Variants in ENTPD1 observed in about 807,000 individuals in gnomAD.
ENTPD1 encodes ATP diphosphohydrolase.
ENTPD1 carries 33 observed loss-of-function variants against 57.0 expected under a neutral mutation model. The observed-to-expected ratio is 0.58, with a 90% CI of 0.44 to 0.77. The LOEUF is 0.77. ENTPD1 is among the 30% of genes least tolerant of loss of function. The pLI is 0.00. For synonymous variants in ENTPD1, 202 were observed against 218.8 expected (o/e 0.92, Z 0.68); for missense variants, 501 against 603.4 (o/e 0.83, Z 1.78).
At chr10:95,748,029 G>A (rs1455640887) in intron 1 of ENTPD1, among the ~76,000 whole-genome samples, 1 of 151,914 alleles carries the variant, frequency 6.6e-6, no homozygotes, top group Non-Finnish European at 1.5e-5. Flanking sequence ...GCGCCACCAT[G>A]CCCGGCTAAT....
chr10:95,836,643 C>T (rs910241241), intron 2 of ENTPD1, among the ~76,000 whole-genome samples: 3 of 152,132 alleles, frequency 2.0e-5, no homozygotes, highest in African/African-American at 7.2e-5. Context: ...TGGGTTTCTC[C>T]ACTGCCAGAC....
chr10:95,799,802 A>T (rs958154774), intron 1 of ENTPD1, among the ~76,000 whole-genome samples: 6 of 152,004 alleles, frequency 3.9e-5, no homozygotes, highest in African/African-American at 1.4e-4. Flanking sequence ...AGCATCCGTT[A>T]TTTTTTTACT....
intron 8 of ENTPD1, chr10:95,861,681 G>C (rs2098465571): frequency 6.6e-6 from 1 of 152,140 alleles, no homozygotes; most frequent in African/African-American, 2.4e-5. Context: ...TGTGGAGGAA[G>C]ATAAGCATGT....
In ENTPD1 at chr10:95,873,460, C is replaced by T. The variant is rs942022719; in HGVS notation, c.*7077C>T. 26 of 985,394 alleles carry T rather than the reference C, an allele frequency of 2.6e-5. No individual in the cohort carries two copies. Among genetic ancestry groups the T allele is most frequent in the Non-Finnish European group, 2.9e-5 (24 of 830,014 alleles). 61.0% of individuals were successfully genotyped at this position (985,394 alleles called of 1,614,324 possible). A position where few individuals can be genotyped will look rare whatever the true frequency, so the allele number is the denominator to read the frequency against. ...TGGAGTGCTTAAGAGGGATTTCTTC[C>T]AGCTCTCTTGCCCTGGTCTTCAGTG... On this transcript the variant is annotated 3_prime_UTR_variant, in exon 10 of 10. Coordinates refer to ENST00000371205, the MANE Select transcript of ENTPD1 (RefSeq NM_001776.6).
intron 6 of ENTPD1, among the ~76,000 whole-genome samples, chr10:95,846,817 G>A (rs1320690803): frequency 2.0e-5 from 3 of 151,866 alleles, no homozygotes; most frequent in African/African-American, 4.8e-5. Flanking sequence ...GCGACACCCC[G>A]TCTCTACTAA....
At chr10:95,754,930 G>A (rs1467188416), upstream of ENTPD1, 1 of 152,224 alleles carries the variant, frequency 6.6e-6, no homozygotes, top group African/African-American at 2.4e-5. Context: ...CTGAAAGCTC[G>A]CTGGAGAATA....
chr10:95,845,373 G>T lies in ENTPD1; in HGVS notation c.590G>T (p.Ser197Ile). The T allele has an allele frequency of 6.2e-7, 1 of 1,614,194 alleles. No homozygotes were observed. The highest frequency in any genetic ancestry group is 1.1e-5 in the South Asian group (1 of 91,084). ...GKFSQKTRWF[S>I]IVPYETNNQE... ...GTCTTTCAGAAAACAAGGTGGTTCAGCATAGTCCCATATGAAACCAATAAT... is the reference window on the plus strand; with the variant it reads ...GTCTTTCAGAAAACAAGGTGGTTCATCATAGTCCCATATGAAACCAATAAT... Residue 197 changes from serine (S) to isoleucine (I), a missense_variant, in exon 6 of 10, where the codon AGC (serine) becomes ATC (isoleucine). By Grantham distance (142) the Ser-to-Ile change is moderately radical. Coordinates refer to ENST00000371205, the MANE Select transcript of ENTPD1 (RefSeq NM_001776.6).
chr10:95,768,395 T>C (rs2098099688), intron 1 of ENTPD1, among the ~76,000 whole-genome samples: 1 of 152,166 alleles, frequency 6.6e-6, no homozygotes, highest in African/African-American at 2.4e-5. Flanking sequence ...CAGGGACCTA[T>C]TTGGATCTCT....
chr10:95,870,379 A>G lies in ENTPD1; in HGVS notation c.*3996A>G, dbSNP rs115869170. 36,587 of 828,778 alleles carry G rather than the reference A, an allele frequency of 0.044. 858 individuals are homozygous for G. Among genetic ancestry groups the G allele is most frequent in the Non-Finnish European group, 0.047 (32,557 of 687,480 alleles). The allele number at this position is 828,778 out of a possible 1,614,324, so 51.3% of individuals were successfully genotyped here. A position where few individuals can be genotyped will look rare whatever the true frequency, so the allele number is the denominator to read the frequency against. ...GGCTCACTGCAGCCTCGACCTCCCA[A>G]GCTCAAGCAAGGCTACAGGTGTGCA... On this transcript the variant is annotated 3_prime_UTR_variant, in exon 10 of 10. Transcript: ENST00000371205.
chr10:95,806,891 A>G (rs904164377), intron 1 of ENTPD1, among the ~76,000 whole-genome samples: 3 of 152,144 alleles, frequency 2.0e-5, no homozygotes, highest in Non-Finnish European at 4.4e-5. Flanking sequence ...CTTCGTCCCA[A>G]AAGGGGACCC....
intron 1 of ENTPD1, among the ~76,000 whole-genome samples, chr10:95,762,238 C>T (rs2098067561): frequency 6.7e-6 from 1 of 149,994 alleles, no homozygotes; most frequent in Non-Finnish European, 1.5e-5. Context: ...GAAGTGTTTC[C>T]TTTTGATTCA....
chr10:95,698,343 G>A, the ENTPD1 span, among the ~76,000 whole-genome samples: 1 of 152,158 alleles, frequency 6.6e-6, no homozygotes, highest in Non-Finnish European at 1.5e-5. Context: ...CAGGAGCAAA[G>A]GAATAATTTA....
intron 1 of ENTPD1, among the ~76,000 whole-genome samples, chr10:95,807,614 T>C (rs2098278715): frequency 6.6e-6 from 1 of 152,248 alleles, no homozygotes; most frequent in African/African-American, 2.4e-5. Context: ...AGCTGCAGAC[T>C]GGAGCTGTTC....
intron 1 of ENTPD1, among the ~76,000 whole-genome samples, chr10:95,821,553 A>G (rs1254571713): frequency 6.6e-6 from 1 of 152,250 alleles, no homozygotes; most frequent in Non-Finnish European, 1.5e-5. Context: ...AGACAAGTCC[A>G]TCCCTGAGCT....
At chr10:95,750,838 T>C (rs1385730898), upstream of ENTPD1, among the ~76,000 whole-genome samples, 3 of 151,912 alleles carry the variant, frequency 2.0e-5, no homozygotes, top group Non-Finnish European at 4.4e-5. Context: ...GCCTGGCCAA[T>C]ATGGTGAAAC....
intron 2 of ENTPD1, among the ~76,000 whole-genome samples, chr10:95,836,917 C>T (rs968684276): frequency 6.6e-6 from 1 of 152,196 alleles, no homozygotes; most frequent in African/African-American, 2.4e-5. Context: ...GTCTCTCAAG[C>T]AGCAAACAAT....
chr10:95,734,163 T>C (rs2097992080), intron 1 of ENTPD1, among the ~76,000 whole-genome samples: 1 of 152,168 alleles, frequency 6.6e-6, no homozygotes, highest in African/African-American at 2.4e-5. Context: ...GAATATCAGA[T>C]GGGATCAAGC....
At chr10:95,862,344 G>C (rs548465940) in intron 8 of ENTPD1, among the ~76,000 whole-genome samples, 3 of 152,330 alleles carry the variant, frequency 2.0e-5, no homozygotes, top group African/African-American at 7.2e-5. Flanking sequence ...GTTAGAAGGT[G>C]ACTCTTTCTT....
chr10:95,719,070 G>A lies in ENTPD1; in HGVS notation c.37+7077G>A, dbSNP rs558961947. 4.2e-3 allele frequency among the ~76,000 whole-genome samples: 636 copies of A among 152,184 alleles called. 6 individuals are homozygous for A. The highest frequency in any genetic ancestry group is 0.014 in the African/African-American group (583 of 41,492). On this transcript the variant is annotated intron_variant, in intron 1 of 9. Transcript: ENST00000453258. ...TGTTCACATCATGAGATGTCCACAC[G>A]GTAAGATCTCTTCCCTGTATTATTT... is the stretch of plus-strand genomic sequence containing the variant.
Sources: allele counts gnomAD v4.1 joint callset (sites outside exome capture counted in the v4.1 genomes callset), GRCh38; gene constraint gnomAD v4.1.1; transcripts MANE v1.5; gene names NCBI Gene and HGNC (gene_info 2026-07-23, HGNC 2026-07-21).